Variants in RELN observed in about 807,000 individuals in gnomAD.
The protein encoded by RELN is reelin.
In RELN, 108 loss-of-function variants were observed where a neutral mutation model predicts 427.6. That is an observed-to-expected ratio of 0.25 (90% confidence interval 0.22 to 0.30). The LOEUF is 0.30. RELN is among the 10% of genes least tolerant of loss of function. The pLI, the probability that RELN is intolerant of heterozygous loss-of-function variation, is 1.00. For synonymous variants in RELN, 1,524 were observed against 1,513.4 expected, an observed-to-expected ratio of 1.01 and a Z score of -0.16; for missense variants, 3,715 against 4,302.8, an observed-to-expected ratio of 0.86 and a Z score of 3.82.
At chr7:103,630,860 G>GTTTTTTT (rs1224190919) in intron 19 of RELN, among the ~76,000 whole-genome samples, 2 of 134,506 alleles carry the variant, frequency 1.5e-5, no homozygotes, top group African/African-American at 2.9e-5. Context: ...TGTTTTTTTT[G>GTTTTTTT]TTTTTTTTTT....
intron 11 of RELN, among the ~76,000 whole-genome samples, chr7:103,668,397 C>T (rs1833318674): frequency 2.0e-5 from 3 of 152,030 alleles, no homozygotes; most frequent in African/African-American, 4.8e-5. Flanking sequence ...TCTAATTTGG[C>T]CTTTGTTATT....
chr7:103,911,627 G>C (rs1306240878), intron 2 of RELN, among the ~76,000 whole-genome samples: 1 of 151,190 alleles, frequency 6.6e-6, no homozygotes, highest in East Asian at 2.0e-4. Flanking sequence ...GTGATAGACT[G>C]GATTAAGAAA....
intron 1 of RELN, among the ~76,000 whole-genome samples, chr7:103,955,932 G>A (rs747561138): frequency 3.3e-5 from 5 of 152,298 alleles, no homozygotes; most frequent in Middle Eastern, 6.8e-3. Flanking sequence ...ATCAGATCGG[G>A]ATAGCCTTGT....
intron 10 of RELN, among the ~76,000 whole-genome samples, chr7:103,695,698 G>A (rs564234827): frequency 6.6e-6 from 1 of 152,218 alleles, no homozygotes; most frequent in South Asian, 2.1e-4. Context: ...ATCACAAAAT[G>A]ATGTGAATCC....
rs558916552 is a variant in RELN at position 103,719,135 on chromosome 7, T to C, written c.805+4005A>G. On this transcript the variant is annotated intron_variant, in intron 8 of 64. Coordinates refer to ENST00000428762, the MANE Select transcript of RELN (RefSeq NM_005045.4). Reference sequence around the variant, plus strand: ...GTTTAAAACCTCCATTTAACATTTATCCCTCTATTAAGTAAGTTGAAGCCC... The same window carrying C: ...GTTTAAAACCTCCATTTAACATTTACCCCTCTATTAAGTAAGTTGAAGCCC... Among the ~76,000 whole-genome samples, 6 of 152,302 alleles carry C rather than the reference T, an allele frequency of 3.9e-5. No individual in the cohort carries two copies. In the South Asian group the frequency reaches 1.2e-3, roughly 32 times the overall value.
intron 49 of RELN, among the ~76,000 whole-genome samples, chr7:103,517,965 G>A (rs191570134): frequency 6.6e-6 from 1 of 152,292 alleles, no homozygotes; most frequent in Non-Finnish European, 1.5e-5. Flanking sequence ...TCCTTGAAGA[G>A]AGAGCACACC....
In RELN at chr7:103,634,435, G is replaced by A. The variant is rs542955744; in HGVS notation, c.2465+990C>T. On this transcript the variant is annotated intron_variant, in intron 19 of 64. Coordinates refer to ENST00000428762, the MANE Select transcript of RELN (RefSeq NM_005045.4). ...CAGTGAGTAGCTCAATAAGTTTTAG[G>A]AGTGGAAAGGATCTTTTAGACACAC... 2.0e-5 allele frequency among the ~76,000 whole-genome samples: 3 copies of A among 152,176 alleles called. No individual in the cohort carries two copies. In the South Asian group the frequency reaches 6.2e-4, roughly 32 times the overall value.
At chr7:103,532,436 G>A (rs1038342426) in intron 46 of RELN, among the ~76,000 whole-genome samples, 3 of 151,456 alleles carry the variant, frequency 2.0e-5, no homozygotes, top group Admixed American at 6.6e-5. Flanking sequence ...TCCTGCACAT[G>A]GAACCCTGAA....
At chr7:103,927,261 A>G (rs1422926134) in intron 1 of RELN, among the ~76,000 whole-genome samples, 1 of 152,190 alleles carries the variant, frequency 6.6e-6, no homozygotes, top group Non-Finnish European at 1.5e-5. Flanking sequence ...ATAATGATGA[A>G]CCATCTGTAT....
intron 50 of RELN, chr7:103,512,943 T>C (rs1829464016): frequency 6.6e-6 from 1 of 152,162 alleles, no homozygotes; most frequent in African/African-American, 2.4e-5. Context: ...GTCTTTTTGA[T>C]TTTGTCTGAG....
chr7:103,793,115 T>C (rs802857), intron 3 of RELN, among the ~76,000 whole-genome samples: 1,881 of 152,300 alleles, frequency 0.012, 26 homozygotes, highest in African/African-American at 0.042. Context: ...TTTCTATATA[T>C]TACATGCAAC....
chr7:103,563,234 C>T lies in RELN; in HGVS notation c.5211-1281G>A, dbSNP rs535797368. 3.2e-4 allele frequency among the ~76,000 whole-genome samples: 48 copies of T among 152,220 alleles called. No homozygotes were observed. The highest frequency in any genetic ancestry group is 1.0e-3 in the African/African-American group (43 of 41,516). Reference sequence around the variant, plus strand: ...AATACAGTGATGTGCTGCATAATGACGTTTCTGTCGATGATGGACTGCATT... The same window carrying T: ...AATACAGTGATGTGCTGCATAATGATGTTTCTGTCGATGATGGACTGCATT... On this transcript the variant is annotated intron_variant, in intron 34 of 64. Transcript: ENST00000428762. The surrounding 1 kb of genome is among the most constrained non-coding windows in gnomAD (Gnocchi z 4.1).
intron 1 of RELN, among the ~76,000 whole-genome samples, chr7:103,942,675 A>AGG (rs1247894613): frequency 1.3e-5 from 2 of 152,180 alleles, no homozygotes; most frequent in African/African-American, 4.8e-5. Context: ...GGACTTTGGG[A>AGG]GGCCAAGGCA....
chr7:103,778,593 C>A lies in RELN; in HGVS notation c.474-1966G>T, dbSNP rs2299384. 1.0e-3 allele frequency among the ~76,000 whole-genome samples: 159 copies of A among 152,304 alleles called. 1 individual carries two copies. The East Asian group carries it at 0.027, about 25-fold the overall frequency. On this transcript the variant is annotated intron_variant, in intron 3 of 64. Transcript: ENST00000428762. The stretch of plus-strand genomic sequence containing the variant: ...GAGGTTTCACCTTTTCTCTAAATAT[C>A]AGATATACCAACATCTGCTAGTCAC...
chr7:103,652,411 T>C (rs896758904), intron 14 of RELN, 140 bp downstream of exon 14: 5 of 697,198 alleles, frequency 7.2e-6, no homozygotes, highest in Non-Finnish European at 1.2e-5. Context: ...ACTTTTCATT[T>C]GGCAAAAGTG....
intron 2 of RELN, among the ~76,000 whole-genome samples, chr7:103,896,624 T>C (rs1055803734): frequency 6.6e-6 from 1 of 152,016 alleles, no homozygotes; most frequent in Non-Finnish European, 1.5e-5. Flanking sequence ...AGAGGAGAGA[T>C]ATGAGGGAAC....
chr7:103,797,059 T>A (rs1792322172), intron 3 of RELN, among the ~76,000 whole-genome samples: 1 of 152,056 alleles, frequency 6.6e-6, no homozygotes, highest in African/African-American at 2.4e-5. Context: ...CTCCTTTAAA[T>A]GTTTTATTTG....
Position 103,701,011 on chromosome 7 carries a change from A to G in RELN, c.806-5T>C. The stretch of plus-strand genomic sequence containing the variant: ...TAAAGCGACATGAACCTGACCCTGT[A>G]AATAGCAATAACAATAAATTTCAAG... On this transcript the variant is annotated splice_polypyrimidine_tract_variant and splice_region_variant and intron_variant, in intron 8 of 64. Transcript: ENST00000428762. 6.5e-7 allele frequency: 1 copy of G among 1,534,128 alleles called. No individual in the cohort carries two copies. The highest frequency in any genetic ancestry group is 1.1e-5 in the South Asian group (1 of 89,352).
At position 103,754,132 on chromosome 7, in the gene RELN, GT is replaced by G. The variant is rs1388790857; in HGVS notation, c.545-919del. Among the ~76,000 whole-genome samples the G allele has an allele frequency of 2.6e-5, 4 of 151,810 alleles. No homozygotes were observed. The South Asian group carries it at 8.3e-4, about 32-fold the overall frequency. ...ATACAGGCCAAATATTTCTTAAGAT[GT>G]GCTATAAGTGTAAAGTACATACTAG... On this transcript the variant is annotated intron_variant, in intron 4 of 64. Coordinates refer to ENST00000428762, the MANE Select transcript of RELN (RefSeq NM_005045.4).
Sources: gnomAD v4.1 joint callset for allele counts (sites outside exome capture counted in the v4.1 genomes callset) on GRCh38, gnomAD v4.1.1 for gene constraint, Gnocchi (gnomAD v3.1) non-coding constraint, MANE v1.5 for transcripts, NCBI Gene and HGNC (gene_info 2026-07-23, HGNC 2026-07-21) for gene names.